Variants in IGFBP6 observed in about 807,000 individuals in gnomAD.
The protein encoded by IGFBP6 is insulin like growth factor binding protein 6.
Under a neutral mutation model 24.5 loss-of-function variants are expected in IGFBP6, and 24 were observed. The ratio of observed to expected loss-of-function variants is 0.98; its 90% CI spans 0.71 to 1.38. The LOEUF (loss-of-function observed/expected upper bound fraction) is 1.38, where lower values mean the gene tolerates loss of function less well. Ranked by LOEUF, IGFBP6 falls within the 40% of genes most tolerant of loss-of-function variation. The probability of loss-of-function intolerance (pLI) is 0.00; values close to 1 mark genes in which losing one functional copy is unlikely to be tolerated. For missense variants in IGFBP6, 331 were observed against 324.8 expected, an observed-to-expected ratio of 1.02 and a Z score of -0.15; for synonymous variants, 147 against 137.4, an observed-to-expected ratio of 1.07 and a Z score of -0.49.
In IGFBP6 at chr12:53,098,053, T is replaced by C. The variant is rs1937771934; in HGVS notation, c.334+2T>C. 2.1e-6 allele frequency: 3 copies of C among 1,441,134 alleles called. No homozygotes were observed. 89.3% of individuals were successfully genotyped at this position (1,441,134 alleles called of 1,614,324 possible). A position where few individuals can be genotyped will look rare whatever the true frequency, so the allele number is the denominator to read the frequency against. ...GCCTTCCGGCCCGCGCGCCTGCTGG[T>C]GAGTCCGCGCCCCGCCCCTGCCCCG... On this transcript the variant is annotated splice_donor_variant, in intron 1 of 3. Coordinates refer to ENST00000301464, the MANE Select transcript of IGFBP6 (RefSeq NM_002178.3). LOFTEE classifies it high-confidence loss of function.
intron 1 of IGFBP6, among the ~76,000 whole-genome samples, chr12:53,099,954 A>G (rs1474507936): frequency 6.6e-6 from 1 of 151,420 alleles, no homozygotes; most frequent in Non-Finnish European, 1.5e-5. Flanking sequence ...CGCCCCCCCG[A>G]GTTCAAGCGA....
At chr12:53,101,890 C>G (rs1937833607) in intron 3 of IGFBP6, among the ~76,000 whole-genome samples, 155 bp from the exon 4 acceptor site, 1 of 125,632 alleles carries the variant, frequency 8.0e-6, no homozygotes, top group African/African-American at 3.1e-5. Context: ...CAGAGCGAGA[C>G]TCCATCTCAA....
intron 3 of IGFBP6, 59 bp from the exon 4 acceptor site, chr12:53,101,986 C>G: frequency 6.4e-7 from 1 of 1,550,888 alleles, no homozygotes; most frequent in Non-Finnish European, 8.7e-7. Flanking sequence ...GATGTCCCCT[C>G]TCATTCTCCT....
intron 1 of IGFBP6, 45 bp from the exon 2 acceptor site, chr12:53,100,667 G>T: frequency 6.2e-7 from 1 of 1,608,364 alleles, no homozygotes; most frequent in South Asian, 1.1e-5. Context: ...TCTCCACATG[G>T]CTCTGCCTGA....
At position 53,097,987 on chromosome 12, in the gene IGFBP6, C is replaced by CGA; in HGVS notation, c.272_273dup (p.Ala92ArgfsTer42). 1 of 1,515,944 alleles carries CGA rather than the reference C, an allele frequency of 6.6e-7. No individual in the cohort carries two copies. Among genetic ancestry groups the CGA allele is most frequent in the Non-Finnish European group, 8.8e-7 (1 of 1,139,314 alleles). 93.9% of individuals were successfully genotyped at this position (1,515,944 alleles called of 1,614,324 possible). On this transcript the variant is annotated frameshift_variant, in exon 1 of 4. Coordinates refer to ENST00000301464, the MANE Select transcript of IGFBP6 (RefSeq NM_002178.3). LOFTEE classifies it high-confidence loss of function. Reference sequence around the variant, plus strand: ...TGCAGTGCCATCCGCCCAAGGACGACGAGGCGCCTTTGCGGGCGCTGCTGC... The same window carrying CGA: ...TGCAGTGCCATCCGCCCAAGGACGACGAGAGGCGCCTTTGCGGGCGCTGCTGC...
In IGFBP6 at chr12:53,097,727, C is replaced by G. The variant is rs112479506; in HGVS notation, c.10C>G (p.His4Asp). 1.3e-6 allele frequency: 2 copies of G among 1,545,064 alleles called. No individual in the cohort carries two copies. Among genetic ancestry groups the G allele is most frequent in the African/African-American group, 2.7e-5 (2 of 72,790 alleles). Residue 4 changes from histidine (H) to aspartate (D), a missense_variant, in exon 1 of 4, where the codon CAC becomes GAC. His to Asp is a moderately conservative substitution (Grantham distance 81). Transcript: ENST00000301464. The part of the protein sequence containing the change: MTP[H>D]RLLPPLLLLL... ...GGCACAAACCCTGACCATGACCCCC[C>G]ACAGGCTGCTGCCACCGCTGCTGCT...
In IGFBP6 at chr12:53,101,148, C is replaced by A; in HGVS notation, c.588C>A (p.Tyr196Ter). 6.2e-7 allele frequency: 1 copy of A among 1,614,028 alleles called. No individual in the cohort carries two copies. Among genetic ancestry groups the A allele is most frequent in the Non-Finnish European group, 8.5e-7 (1 of 1,179,872 alleles). Residue 196 changes from tyrosine to a stop codon, truncating the protein, a stop_gained, in exon 3 of 4, where the codon TAC becomes TAA. Coordinates refer to ENST00000301464, the MANE Select transcript of IGFBP6 (RefSeq NM_002178.3). LOFTEE classifies it high-confidence loss of function. Reference sequence around the variant, plus strand: ...CCAATTGTGACCATCGAGGCTTCTACCGGAAGCGGCAGGTGAGACTATTTT... The same window carrying A: ...CCAATTGTGACCATCGAGGCTTCTAACGGAAGCGGCAGGTGAGACTATTTT... ...YVPNCDHRGF[Y>*]RKRQCRSSQG...
At chr12:53,101,427 A>G (rs1937826429) in intron 3 of IGFBP6, among the ~76,000 whole-genome samples, 1 of 152,214 alleles carries the variant, frequency 6.6e-6, no homozygotes, top group Non-Finnish European at 1.5e-5. Context: ...CTTATGCCAC[A>G]CAGATAGCTG....
In IGFBP6 at chr12:53,097,771, C is replaced by T. The variant is rs772197160; in HGVS notation, c.54C>T (p.Leu18=). The T allele has an allele frequency of 6.5e-7, 1 of 1,545,538 alleles. No individual in the cohort carries two copies. Among genetic ancestry groups the T allele is most frequent in the Non-Finnish European group, 8.7e-7 (1 of 1,146,280 alleles). Residue 18 remains leucine, a synonymous_variant, in exon 1 of 4, where the codon CTC becomes CTT. Transcript: ENST00000301464. The part of the protein sequence containing the change: ...PPLLLLLALL[L]AASPGGALAR... ...TGCTGCTGCTGCTAGCTCTGCTGCT[C>T]GCTGCCAGCCCAGGAGGCGCCTTGG...
chr12:53,098,092 C>T, intron 1 of IGFBP6, 41 bp downstream of exon 1: 1 of 1,392,410 alleles, frequency 7.2e-7, no homozygotes, highest in Non-Finnish European at 9.2e-7. Flanking sequence ...ACGTGAGACC[C>T]GCGTCCTCCA....
intron 2 of IGFBP6, 67 bp downstream of exon 2, chr12:53,100,924 C>G: frequency 6.2e-7 from 1 of 1,608,102 alleles, no homozygotes; most frequent in Non-Finnish European, 8.5e-7. Context: ...TGAGACTGCT[C>G]CCTTGGGCTT....
intron 3 of IGFBP6, 34 bp from the exon 4 acceptor site, chr12:53,102,011 G>C: frequency 1.2e-6 from 2 of 1,602,116 alleles, no homozygotes; most frequent in Non-Finnish European, 1.7e-6. Context: ...GAAGCCTCTG[G>C]CCTCACTCCT....
chr12:53,099,431 G>A (rs1937791638), intron 1 of IGFBP6: 1 of 415,324 alleles, frequency 2.4e-6, no homozygotes, highest in African/African-American at 2.0e-5. Context: ...GCTGGCCTGG[G>A]TCACAGGGTA....
Position 53,100,941 on chromosome 12 carries a change from G to A in IGFBP6, c.480+84G>A, listed in dbSNP as rs564332680. Reference sequence around the variant, plus strand: ...AGACTGCTCCCTTGGGCTTGGAGACGTCTCCATTGTCTGTCCTGGGTGCTT... The same window carrying A: ...AGACTGCTCCCTTGGGCTTGGAGACATCTCCATTGTCTGTCCTGGGTGCTT... On this transcript the variant is annotated intron_variant, in intron 2 of 3. Transcript: ENST00000301464. 6.3e-5 allele frequency: 101 copies of A among 1,604,242 alleles called. No homozygotes were observed. In the East Asian group the frequency reaches 2.0e-3, roughly 31 times the overall value.
intron 1 of IGFBP6, among the ~76,000 whole-genome samples, chr12:53,098,605 AG>A (rs927959874): frequency 2.6e-5 from 4 of 152,120 alleles, no homozygotes; most frequent in Non-Finnish European, 2.9e-5. Context: ...ATTAGACTTG[AG>A]TAGGGACTGA....
chr12:53,101,114 T>C lies in IGFBP6; in HGVS notation c.554T>C (p.Leu185Pro), dbSNP rs1937819908. The change falls in exon 3 of 4, where the codon CTC (leucine) becomes CCC (proline). Residue 185 changes from leucine (L) to proline (P), a missense_variant. Coordinates refer to ENST00000301464, the MANE Select transcript of IGFBP6 (RefSeq NM_002178.3). ...GAGGTCTACCGAGGGGCTCAAACAC[T>C]CTACGTGCCCAATTGTGACCATCGA... ...QTEVYRGAQT[L>P]YVPNCDHRGF... The C allele has an allele frequency of 6.2e-7, 1 of 1,614,062 alleles. No individual in the cohort carries two copies. The highest frequency in any genetic ancestry group is 1.3e-5 in the African/African-American group (1 of 74,914).
chr12:53,098,332 G>A (rs1181120734), intron 1 of IGFBP6, among the ~76,000 whole-genome samples: 3 of 152,214 alleles, frequency 2.0e-5, no homozygotes, highest in Non-Finnish European at 4.4e-5. Context: ...GTGGGAACTT[G>A]GGGGAGGCAG....
chr12:53,099,653 A>G (rs1937795020), intron 1 of IGFBP6, among the ~76,000 whole-genome samples: 1 of 151,974 alleles, frequency 6.6e-6, no homozygotes, highest in Non-Finnish European at 1.5e-5. Context: ...AGGTCTTTTC[A>G]CCCAAAGCCC....
intron 1 of IGFBP6, 72 bp from the exon 2 acceptor site, chr12:53,100,640 G>A: frequency 6.7e-7 from 1 of 1,486,680 alleles, no homozygotes; most frequent in Non-Finnish European, 9.3e-7. Flanking sequence ...TTCAGCAGGT[G>A]ATGTGGGCAA....
Sources: gnomAD v4.1 joint callset for allele counts (sites outside exome capture counted in the v4.1 genomes callset) on GRCh38, gnomAD v4.1.1 for gene constraint, MANE v1.5 for transcripts, NCBI Gene and HGNC (gene_info 2026-07-23, HGNC 2026-07-21) for gene names.